Variants in COG5 observed in about 807,000 individuals in gnomAD.
COG5 encodes the protein conserved oligomeric Golgi complex subunit 5.
In COG5, 86 loss-of-function variants were observed where a neutral mutation model predicts 110.4. The ratio of observed to expected loss-of-function variants is 0.78; its 90% CI spans 0.65 to 0.93. The LOEUF (loss-of-function observed/expected upper bound fraction) is 0.93, where lower values mean the gene tolerates loss of function less well. COG5 is among the 40% of genes least tolerant of loss of function. The pLI, the probability that COG5 is intolerant of heterozygous loss-of-function variation, is 0.00. For synonymous variants in COG5, 360 were observed against 334.6 expected (o/e 1.08, Z -0.83); for missense variants, 1,077 against 987.0 (o/e 1.09, Z -1.22).
chr7:107,395,057 A>G (rs1435761017), intron 7 of COG5, among the ~76,000 whole-genome samples: 1 of 152,238 alleles, frequency 6.6e-6, no homozygotes, highest in African/African-American at 2.4e-5. Context: ...GACTTATGAT[A>G]AAGACTTAGT....
intron 6 of COG5, among the ~76,000 whole-genome samples, chr7:107,488,520 TATA>T (rs1358525579): frequency 6.6e-6 from 1 of 152,150 alleles, no homozygotes; most frequent in Non-Finnish European, 1.5e-5. Context: ...GATGAAAACA[TATA>T]ATAATTATCA....
intron 6 of COG5, among the ~76,000 whole-genome samples, chr7:107,512,978 T>G (rs1426391572): frequency 1.3e-5 from 2 of 152,188 alleles, no homozygotes; most frequent in East Asian, 3.9e-4. Flanking sequence ...ATTCAGGATA[T>G]AGGCATGGGC....
At chr7:107,313,112 G>A (rs1808427403) in intron 11 of COG5, among the ~76,000 whole-genome samples, 1 of 152,148 alleles carries the variant, frequency 6.6e-6, no homozygotes, top group African/African-American at 2.4e-5. Context: ...ACATTCACTA[G>A]GTCTAAAGTT....
chr7:107,241,028 T>C (rs971217777), intron 17 of COG5, among the ~76,000 whole-genome samples: 1 of 152,248 alleles, frequency 6.6e-6, no homozygotes, highest in Non-Finnish European at 1.5e-5. Flanking sequence ...CATGGCAACC[T>C]ATCAGTTGAA....
chr7:107,516,280 G>C (rs777167742), intron 6 of COG5, among the ~76,000 whole-genome samples: 1 of 152,118 alleles, frequency 6.6e-6, no homozygotes, highest in Non-Finnish European at 1.5e-5. Flanking sequence ...TGGGTGAAGT[G>C]TCTGTTCAAC....
chr7:107,295,774 T>G (rs939150317), intron 12 of COG5, among the ~76,000 whole-genome samples: 2 of 152,084 alleles, frequency 1.3e-5, no homozygotes, highest in African/African-American at 4.8e-5. Context: ...TTGTTTTGCC[T>G]CCATTGAATT....
chr7:107,252,121 T>A (rs1353809990), intron 16 of COG5, among the ~76,000 whole-genome samples: 3 of 151,974 alleles, frequency 2.0e-5, no homozygotes, highest in Non-Finnish European at 4.4e-5. Flanking sequence ...CTTCAAAGGC[T>A]CAAGCAGAAG....
At chr7:107,423,555 G>A (rs1437427426) in intron 6 of COG5, among the ~76,000 whole-genome samples, 1 of 151,932 alleles carries the variant, frequency 6.6e-6, no homozygotes, top group African/African-American at 2.4e-5. Flanking sequence ...CCCAAAAGTA[G>A]GGAAACAAAG....
intron 13 of COG5, 26 bp from the exon 14 acceptor site, chr7:107,281,425 A>T: frequency 6.7e-7 from 1 of 1,485,138 alleles, no homozygotes; most frequent in South Asian, 1.1e-5. Flanking sequence ...ACAGTTTTTA[A>T]ATATTAGCAA....
At chr7:107,536,739 C>T (rs1403634271) in intron 5 of COG5, among the ~76,000 whole-genome samples, 1 of 152,126 alleles carries the variant, frequency 6.6e-6, no homozygotes, top group African/African-American at 2.4e-5. Context: ...CATTGACATT[C>T]TTCACAGAAT....
At chr7:107,230,967 C>T (rs1391788605) in intron 18 of COG5, among the ~76,000 whole-genome samples, 1 of 152,014 alleles carries the variant, frequency 6.6e-6, no homozygotes, top group Non-Finnish European at 1.5e-5. Context: ...TATCATTTAT[C>T]CATTGAAAAA....
At chr7:107,445,699 T>C (rs1466970873) in intron 6 of COG5, among the ~76,000 whole-genome samples, 2 of 152,162 alleles carry the variant, frequency 1.3e-5, no homozygotes, top group Admixed American at 6.5e-5. Flanking sequence ...ATAAAAAATA[T>C]TGTGATGACT....
chr7:107,500,724 T>C (rs1189215967), intron 6 of COG5, among the ~76,000 whole-genome samples: 2 of 152,164 alleles, frequency 1.3e-5, no homozygotes, highest in African/African-American at 2.4e-5. Context: ...TCCTTTGGGA[T>C]ATGATATTAA....
chr7:107,554,616 A>G (rs1037397294), intron 2 of COG5, among the ~76,000 whole-genome samples: 2 of 152,160 alleles, frequency 1.3e-5, no homozygotes, highest in African/African-American at 4.8e-5. Context: ...AGACTGAGTA[A>G]TTTACAAACA....
rs75898623 is a variant in COG5 at position 107,373,302 on chromosome 7, T to C, written c.670-542A>G. Among the ~76,000 whole-genome samples, 45 of 152,288 alleles carry C rather than the reference T, an allele frequency of 3.0e-4. No homozygotes were observed. In the East Asian group the frequency reaches 8.3e-3, roughly 28 times the overall value. ...AGTGAAACAAAACCAATTAAGTTCC[T>C]GTCTTCATGGAACTTACATTTATTG... On this transcript the variant is annotated intron_variant, in intron 7 of 21. Coordinates refer to ENST00000297135, the MANE Select transcript of COG5 (RefSeq NM_006348.5).
chr7:107,383,253 C>A (rs1286731981), intron 7 of COG5, among the ~76,000 whole-genome samples: 1 of 152,106 alleles, frequency 6.6e-6, no homozygotes, highest in Admixed American at 6.6e-5. Flanking sequence ...GTCCATGCAA[C>A]CCCTCCGAGA....
chr7:107,430,865 A>G (rs11770061), intron 6 of COG5, among the ~76,000 whole-genome samples: 23,655 of 152,136 alleles, frequency 0.16, 2,299 homozygotes, highest in Non-Finnish European at 0.21. Context: ...TAAAATCACA[A>G]GTGATTTTAT....
chr7:107,479,081 G>C (rs1194416516), intron 6 of COG5, among the ~76,000 whole-genome samples: 1 of 152,000 alleles, frequency 6.6e-6, no homozygotes, highest in African/African-American at 2.4e-5. Flanking sequence ...GTATTAAAAA[G>C]TATGGCATTA....
At chr7:107,490,642 G>T (rs959632525) in intron 6 of COG5, among the ~76,000 whole-genome samples, 1 of 152,098 alleles carries the variant, frequency 6.6e-6, no homozygotes, top group African/African-American at 2.4e-5. Flanking sequence ...ACTATATACT[G>T]GGCAGGGTCA....
Sources: allele counts gnomAD v4.1 joint callset (sites outside exome capture counted in the v4.1 genomes callset), GRCh38; gene constraint gnomAD v4.1.1; transcripts MANE v1.5; gene names NCBI Gene and HGNC (gene_info 2026-07-23, HGNC 2026-07-21).